Variants in RAD51B observed in about 807,000 individuals in gnomAD.
RAD51B encodes DNA repair protein RAD51 homolog 2.
In RAD51B, 38 loss-of-function variants were observed where a neutral mutation model predicts 42.2. That is an observed-to-expected ratio of 0.90 (90% CI 0.70 to 1.18). The LOEUF is 1.18. Ranked by LOEUF, RAD51B falls within the 50% of genes most tolerant of loss-of-function variation. The probability of loss-of-function intolerance (pLI) is 0.00; values close to 1 mark genes in which losing one functional copy is unlikely to be tolerated. For missense variants in RAD51B, 373 were observed against 400.7 expected, an observed-to-expected ratio of 0.93 and a Z score of 0.59; for synonymous variants, 154 against 145.2, an observed-to-expected ratio of 1.06 and a Z score of -0.43.
At chr14:67,938,331 T>C (rs1435279563) in intron 7 of RAD51B, among the ~76,000 whole-genome samples, 2 of 152,356 alleles carry the variant, frequency 1.3e-5, no homozygotes, top group East Asian at 1.9e-4. Context: ...TAGATAATCT[T>C]GTGCATTGAG....
At chr14:67,844,027 C>A (rs1292287776) in intron 4 of RAD51B, among the ~76,000 whole-genome samples, 5 of 151,866 alleles carry the variant, frequency 3.3e-5, no homozygotes, top group Non-Finnish European at 7.4e-5. Context: ...TAGCTGTGTC[C>A]CAGAGATTCT....
chr14:67,828,687 A>T (rs1461677030), intron 3 of RAD51B, among the ~76,000 whole-genome samples: 8 of 152,152 alleles, frequency 5.3e-5, no homozygotes, highest in African/African-American at 1.9e-4. Context: ...GAAGGGGTCC[A>T]GTTTCAGTTT....
intron 7 of RAD51B, among the ~76,000 whole-genome samples, chr14:68,206,310 G>GT: frequency 6.6e-6 from 1 of 152,218 alleles, no homozygotes; most frequent in South Asian, 2.1e-4. Flanking sequence ...TTTTTCCTTT[G>GT]TGTAGGTACT....
intron 10 of RAD51B, among the ~76,000 whole-genome samples, chr14:68,555,245 A>G (rs1438034980): frequency 6.6e-6 from 1 of 152,224 alleles, no homozygotes; most frequent in Non-Finnish European, 1.5e-5. Context: ...TTCTGTGTTA[A>G]ATGTTATGTG....
intron 7 of RAD51B, among the ~76,000 whole-genome samples, chr14:68,093,790 T>C (rs534982672): frequency 3.9e-5 from 6 of 152,280 alleles, no homozygotes; most frequent in African/African-American, 1.4e-4. Flanking sequence ...TACAAAAAAG[T>C]AGATTGTCTC....
At chr14:68,617,967 TAAG>T (rs146168025) in intron 10 of RAD51B, among the ~76,000 whole-genome samples, 4,747 of 152,220 alleles carry the variant, frequency 0.031, 219 homozygotes, top group African/African-American at 0.1. Flanking sequence ...GCAAAAATCT[TAAG>T]AACAGGTTTT....
chr14:68,409,119 A>G (rs1348834548), intron 8 of RAD51B, among the ~76,000 whole-genome samples: 1 of 152,252 alleles, frequency 6.6e-6, no homozygotes, highest in Admixed American at 6.5e-5. Context: ...CTCTGTGAAT[A>G]TAGAAAAAGC....
chr14:68,274,206 C>T (rs2081177135), intron 7 of RAD51B, among the ~76,000 whole-genome samples: 1 of 152,022 alleles, frequency 6.6e-6, no homozygotes, highest in Admixed American at 6.6e-5. Flanking sequence ...TCTCTCCTTC[C>T]ATTTCACTCT....
chr14:68,280,086 A>T (rs2081293194), intron 7 of RAD51B, among the ~76,000 whole-genome samples: 1 of 152,238 alleles, frequency 6.6e-6, no homozygotes, highest in African/African-American at 2.4e-5. Flanking sequence ...GGTGGCCAAG[A>T]CAGAAATAGA....
intron 8 of RAD51B, among the ~76,000 whole-genome samples, chr14:68,375,239 A>G (rs1446605881): frequency 2.6e-5 from 4 of 151,914 alleles, no homozygotes; most frequent in Non-Finnish European, 5.9e-5. Flanking sequence ...GAATTTTCCT[A>G]ACACCCTCCT....
At chr14:68,235,423 G>A (rs982324769) in intron 7 of RAD51B, among the ~76,000 whole-genome samples, 1 of 151,726 alleles carries the variant, frequency 6.6e-6, no homozygotes, top group Non-Finnish European at 1.5e-5. Flanking sequence ...TGAGATCTTC[G>A]GCCGGGCGCG....
intron 7 of RAD51B, among the ~76,000 whole-genome samples, chr14:67,929,281 GT>G (rs2140152941): frequency 6.6e-6 from 1 of 152,104 alleles, no homozygotes; most frequent in South Asian, 2.1e-4. Context: ...GTTTTGGTAT[GT>G]TGTGTTTCCA....
chr14:67,921,939 C>G (rs796195174), intron 7 of RAD51B, among the ~76,000 whole-genome samples: 23 of 152,174 alleles, frequency 1.5e-4, no homozygotes, highest in African/African-American at 5.5e-4. Context: ...CCTCCGTGGT[C>G]AGTTCCTGCC....
At chr14:68,570,344 T>G (rs780539331) in intron 10 of RAD51B, among the ~76,000 whole-genome samples, 3 of 152,236 alleles carry the variant, frequency 2.0e-5, no homozygotes, top group Non-Finnish European at 2.9e-5. Flanking sequence ...CGGGGTCATT[T>G]GACTGCAAGG....
chr14:67,939,843 A>C (rs1038421770), intron 7 of RAD51B, among the ~76,000 whole-genome samples: 1 of 151,272 alleles, frequency 6.6e-6, no homozygotes, highest in African/African-American at 2.4e-5. Flanking sequence ...TTAGGGTTTT[A>C]ATACATTAAT....
At chr14:68,465,667 C>T (rs1347212934) in intron 9 of RAD51B, among the ~76,000 whole-genome samples, 2 of 152,086 alleles carry the variant, frequency 1.3e-5, no homozygotes, top group African/African-American at 2.4e-5. Context: ...CCGGGCCAGG[C>T]GTGGTGGCTC....
At position 67,835,189 on chromosome 14, in the gene RAD51B, T is replaced by G. The variant is rs1594973487; in HGVS notation, c.308T>G (p.Leu103Arg). 1 of 1,612,288 alleles carries G rather than the reference T, an allele frequency of 6.2e-7. No individual in the cohort carries two copies. Among genetic ancestry groups the G allele is most frequent in the African/African-American group, 1.3e-5 (1 of 74,876 alleles). ...CATGGTGGTGTGGCTTGTGGATCCC[T>G]CACAGAGGTAAAGGAAAAATTTTTC... ...ALHGGVACGS[L>R]TEITGPPGCG... Residue 103 changes from leucine (L) to arginine (R), a missense_variant, in exon 4 of 11, where the codon CTC becomes CGC. Coordinates refer to ENST00000471583, the MANE Select transcript of RAD51B (RefSeq NM_133510.4).
rs1392530580 is a variant in RAD51B at position 68,181,188 on chromosome 14, G to A, written c.757-110696G>A. ...TTGAGATAAAGGTAATCAAGATGAA[G>A]GTGTATTTACAAAGATGAGCAGTGG... On this transcript the variant is annotated intron_variant, in intron 7 of 10. Coordinates refer to ENST00000471583, the MANE Select transcript of RAD51B (RefSeq NM_133510.4). Among the ~76,000 whole-genome samples, 4 of 152,190 alleles carry A rather than the reference G, an allele frequency of 2.6e-5. No individual in the cohort carries two copies. The South Asian group carries it at 6.2e-4, about 24-fold the overall frequency.
chr14:68,512,722 T>C (rs1018892066), intron 10 of RAD51B, among the ~76,000 whole-genome samples: 7 of 152,140 alleles, frequency 4.6e-5, no homozygotes, highest in African/African-American at 1.7e-4. Flanking sequence ...TGTTCCTTCT[T>C]ACCCTGTTTG....
Sources: gnomAD v4.1 joint callset for allele counts (sites outside exome capture counted in the v4.1 genomes callset) on GRCh38, gnomAD v4.1.1 for gene constraint, MANE v1.5 for transcripts, NCBI Gene and HGNC (gene_info 2026-07-23, HGNC 2026-07-21) for gene names.